Variants in ZC3H12B observed in about 807,000 individuals in gnomAD.
ZC3H12B encodes zinc finger CCCH-type containing 12B, also known as probable ribonuclease ZC3H12B.
A neutral mutation model predicts 43.9 loss-of-function variants in ZC3H12B; 7 were observed. The ratio of observed to expected loss-of-function variants is 0.16; its 90% CI spans 0.09 to 0.30. ZC3H12B has a LOEUF of 0.30. ZC3H12B is among the 10% of genes least tolerant of loss of function. The probability of loss-of-function intolerance (pLI) is 1.00; values close to 1 mark genes in which losing one functional copy is unlikely to be tolerated. For synonymous variants in ZC3H12B, 222 were observed against 241.7 expected, an observed-to-expected ratio of 0.92 and a Z score of 0.76; for missense variants, 475 against 670.2, an observed-to-expected ratio of 0.71 and a Z score of 3.22.
rs765163340 is a variant in ZC3H12B at position 65,410,741 on chromosome X, A to G, written n.407+12037A>G. 5.3e-5 allele frequency among the ~76,000 whole-genome samples: 6 copies of G among 112,407 alleles called. No individual in the cohort carries two copies. The South Asian group carries it at 2.2e-3, about 41-fold the overall frequency. On this transcript the variant is annotated intron_variant and non_coding_transcript_variant, in intron 3 of 5. Transcript: ENST00000617377. ...CATAATTAATCATTAGAAAAATGCA[A>G]ATCAAAGTACAATAAGATATCATCT...
chrX:65,116,716 T>G, the ZC3H12B span, among the ~76,000 whole-genome samples: 1 of 108,965 alleles, frequency 9.2e-6, no homozygotes, highest in Non-Finnish European at 1.9e-5. Flanking sequence ...CCTTCCCCCC[T>G]CCCCCCAAAC....
the ZC3H12B span, among the ~76,000 whole-genome samples, chrX:65,232,619 A>T: frequency 1.0e-2 from 1,118 of 112,100 alleles, 14 homozygotes; most frequent in African/African-American, 0.034. Flanking sequence ...AAAAAGCAAG[A>T]AATTAAAACA....
chrX:65,077,578 A>G, the ZC3H12B span, among the ~76,000 whole-genome samples: 1 of 111,837 alleles, frequency 8.9e-6, no homozygotes, highest in Admixed American at 9.4e-5. Flanking sequence ...TGGAAGCTGG[A>G]TTTTCCAGGA....
At chrX:65,413,223 A>C (rs1255728356) in intron 3 of ZC3H12B, among the ~76,000 whole-genome samples, 1 of 112,089 alleles carries the variant, frequency 8.9e-6, no homozygotes, top group African/African-American at 3.2e-5. Flanking sequence ...CATGATTTGC[A>C]AATGGTTTCT....
the ZC3H12B span, among the ~76,000 whole-genome samples, chrX:65,180,286 G>A: frequency 1.3e-4 from 14 of 111,613 alleles, no homozygotes; most frequent in South Asian, 4.1e-3. Context: ...TAGAAAAAGC[G>A]TTTGATAAAT....
At chrX:65,334,119 G>A in the ZC3H12B span, among the ~76,000 whole-genome samples, 1 of 111,798 alleles carries the variant, frequency 8.9e-6, no homozygotes, top group Admixed American at 9.5e-5. Context: ...AAATGTATCC[G>A]ATCTTAATCA....
the ZC3H12B span, among the ~76,000 whole-genome samples, chrX:65,107,550 T>C: frequency 1.8e-5 from 2 of 111,131 alleles, no homozygotes; most frequent in Non-Finnish European, 3.8e-5. Context: ...ATGGTTTAGC[T>C]CTGTGTCCCC....
At chrX:65,457,470 C>T (rs1315105510) in intron 3 of ZC3H12B, among the ~76,000 whole-genome samples, 21 of 85,142 alleles carry the variant, frequency 2.5e-4, no homozygotes, top group African/African-American at 1.0e-3. Context: ...CCCGGCCAGC[C>T]GCCCCATCCG....
At chrX:65,407,946 C>T (rs1447660181) in intron 3 of ZC3H12B, 5 of 751,980 alleles carry the variant, frequency 6.6e-6, no homozygotes, top group African/African-American at 6.3e-5. Context: ...CCCGGCCTAG[C>T]GCGCCTGCGT....
At chrX:65,231,798 CA>C in the ZC3H12B span, among the ~76,000 whole-genome samples, 17 of 111,646 alleles carry the variant, frequency 1.5e-4, no homozygotes, top group Non-Finnish European at 3.0e-4. Flanking sequence ...TCATATTGTT[CA>C]AACACCCATG....
chrX:65,190,315 T>A, the ZC3H12B span, among the ~76,000 whole-genome samples: 2 of 111,117 alleles, frequency 1.8e-5, no homozygotes, highest in Admixed American at 9.6e-5. Flanking sequence ...TTTAAAGTAT[T>A]TTTTTCTAAT....
chrX:65,118,613 G>A, the ZC3H12B span, among the ~76,000 whole-genome samples: 1 of 111,061 alleles, frequency 9.0e-6, no homozygotes, highest in South Asian at 3.8e-4. Context: ...AATAAGAGTG[G>A]TGAGAGAGGA....
At chrX:65,346,861 G>A in the ZC3H12B span, among the ~76,000 whole-genome samples, 21 of 112,189 alleles carry the variant, frequency 1.9e-4, no homozygotes, top group Non-Finnish European at 3.4e-4. Context: ...GGAATGGGGC[G>A]GCTGTGGGTG....
At chrX:65,327,268 C>T in the ZC3H12B span, among the ~76,000 whole-genome samples, 1 of 111,013 alleles carries the variant, frequency 9.0e-6, no homozygotes, top group Non-Finnish European at 1.9e-5. Context: ...TACAAATATA[C>T]ATAGATCTAT....
At chrX:65,226,343 G>A in the ZC3H12B span, among the ~76,000 whole-genome samples, 4 of 111,022 alleles carry the variant, frequency 3.6e-5, no homozygotes, top group East Asian at 2.8e-4. Context: ...TCACCACCAG[G>A]CCTGCCCTAA....
chrX:65,410,017 A>G (rs2066884064), intron 3 of ZC3H12B, among the ~76,000 whole-genome samples: 1 of 110,006 alleles, frequency 9.1e-6, no homozygotes, highest in Non-Finnish European at 1.9e-5. Flanking sequence ...ATCCTATGCA[A>G]TAAGAGCAAA....
At chrX:65,260,549 ATGT>A in the ZC3H12B span, among the ~76,000 whole-genome samples, 1 of 111,601 alleles carries the variant, frequency 9.0e-6, no homozygotes, top group Non-Finnish European at 1.9e-5. Context: ...AAACCTGTAA[ATGT>A]ACCCTGAACC....
At chrX:65,155,930 C>G in the ZC3H12B span, among the ~76,000 whole-genome samples, 2 of 110,015 alleles carry the variant, frequency 1.8e-5, no homozygotes, top group East Asian at 5.7e-4. Flanking sequence ...TTGGAATTAT[C>G]AGTTTTTCAA....
At chrX:65,156,823 G>A in the ZC3H12B span, among the ~76,000 whole-genome samples, 2 of 111,406 alleles carry the variant, frequency 1.8e-5, no homozygotes, top group Non-Finnish European at 3.8e-5. Flanking sequence ...GCCATGTTTT[G>A]TTGTCGTTGT....
Sources: gnomAD v4.1 joint callset for allele counts (sites outside exome capture counted in the v4.1 genomes callset) on GRCh38, gnomAD v4.1.1 for gene constraint, MANE v1.5 for transcripts, NCBI Gene and HGNC (gene_info 2026-07-23, HGNC 2026-07-21) for gene names.